CDH1: variants seen among roughly 807,000 people sequenced by gnomAD.
CDH1 encodes cadherin 1.
CDH1 carries 35 observed loss-of-function variants against 84.5 expected under a neutral mutation model. The observed-to-expected ratio is 0.41, with a 90% CI of 0.32 to 0.55. The LOEUF is 0.55. Among genes scored for constraint, CDH1 ranks in the 20% least tolerant of loss-of-function variants. The pLI, the probability that CDH1 is intolerant of heterozygous loss-of-function variation, is 0.19. For missense variants in CDH1, 994 were observed against 1,126.6 expected (o/e 0.88, Z 1.68); for synonymous variants, 417 against 439.0 (o/e 0.95, Z 0.63).
intron 3 of CDH1, among the ~76,000 whole-genome samples, 160 bp downstream of exon 3, chr16:68,802,053 T>A (rs1171984128): frequency 1.3e-5 from 2 of 152,212 alleles, no homozygotes; most frequent in Non-Finnish European, 2.9e-5. Flanking sequence ...TCCCTGGCCT[T>A]AACTGGTTAG....
chr16:68,803,329 A>G (rs1316218271), intron 3 of CDH1, among the ~76,000 whole-genome samples: 1 of 152,158 alleles, frequency 6.6e-6, no homozygotes, highest in Non-Finnish European at 1.5e-5. Flanking sequence ...CCCATCATTC[A>G]TGTGAAAAAA....
chr16:68,802,207 C>A (rs910188921), intron 3 of CDH1, among the ~76,000 whole-genome samples: 2 of 152,102 alleles, frequency 1.3e-5, no homozygotes, highest in African/African-American at 2.4e-5. Context: ...GTGTGGGGAT[C>A]GGGTAGTGTA....
chr16:68,778,140 C>A (rs909590387), intron 2 of CDH1, among the ~76,000 whole-genome samples: 1 of 152,156 alleles, frequency 6.6e-6, no homozygotes. Flanking sequence ...CTCCACCTCC[C>A]GGGTTCAAGC....
At chr16:68,813,555 G>A (rs894403964) in intron 9 of CDH1, 60 bp downstream of exon 9, 1 of 1,511,122 alleles carries the variant, frequency 6.6e-7, no homozygotes, top group Admixed American at 1.7e-5. Flanking sequence ...TCATACCCTT[G>A]TCCCCTGGTA....
chr16:68,785,481 T>A (rs1414128096), intron 2 of CDH1, among the ~76,000 whole-genome samples: 1 of 152,190 alleles, frequency 6.6e-6, no homozygotes, highest in Admixed American at 6.6e-5. Context: ...CGTGAGCCAC[T>A]ATGCCTGACC....
chr16:68,750,691 C>T (rs1401229807), intron 2 of CDH1, among the ~76,000 whole-genome samples: 1 of 150,906 alleles, frequency 6.6e-6, no homozygotes, highest in Non-Finnish European at 1.5e-5. Context: ...TACGCCTGTA[C>T]ACCTTCTTTC....
At chr16:68,796,180 G>GA (rs1178527921) in intron 2 of CDH1, among the ~76,000 whole-genome samples, 1 of 151,666 alleles carries the variant, frequency 6.6e-6, no homozygotes, top group Non-Finnish European at 1.5e-5. Flanking sequence ...AAAAAAAAAA[G>GA]AATTGCTAAA....
chr16:68,811,784 C>G lies in CDH1; in HGVS notation c.933C>G (p.Leu311=), dbSNP rs35539711. 2,740 of 1,614,148 alleles carry G rather than the reference C, an allele frequency of 1.7e-3. 40 individuals carry two copies. The African/African-American group carries it at 0.031, about 18-fold the overall frequency. ...CCATCCTCAGCCAAGATCCTGAGCTCCCTGACAAAAATATGTTCACCATTA... is the reference window on the plus strand; with the variant it reads ...CCATCCTCAGCCAAGATCCTGAGCTGCCTGACAAAAATATGTTCACCATTA... ...AYTILSQDPE[L]PDKNMFTINR... is the part of the protein sequence containing the mutation. The change falls in exon 7 of 16, where the codon CTC becomes CTG. Residue 311 remains leucine (L), a synonymous_variant. Coordinates refer to ENST00000261769, the MANE Select transcript of CDH1 (RefSeq NM_004360.5).
chr16:68,763,986 A>G (rs562924618), intron 2 of CDH1, among the ~76,000 whole-genome samples: 2 of 152,196 alleles, frequency 1.3e-5, no homozygotes, highest in African/African-American at 4.8e-5. Flanking sequence ...GGTTGGGGGG[A>G]TGGCGGACAC....
intron 2 of CDH1, among the ~76,000 whole-genome samples, chr16:68,796,537 A>G (rs530141816): frequency 1.1e-4 from 17 of 152,306 alleles, no homozygotes; most frequent in African/African-American, 4.1e-4. Flanking sequence ...AATTTCAAGC[A>G]AGGAATGTTG....
chr16:68,828,350 G>A lies in CDH1; in HGVS notation c.2295+46G>A, dbSNP rs771329524. The A allele has an allele frequency of 4.7e-5, 76 of 1,606,462 alleles. No homozygotes were observed. Among genetic ancestry groups the A allele is most frequent in the Non-Finnish European group, 5.9e-5 (69 of 1,173,710 alleles). On this transcript the variant is annotated intron_variant, in intron 14 of 15. Transcript: ENST00000261769. ...TAGCTCAGTGGTGATCTCTTTATTC[G>A]GAAGAAGCAATGATTAGTAAGAGGT...
At chr16:68,824,394 C>A (rs556509305) in intron 13 of CDH1, among the ~76,000 whole-genome samples, 1 of 152,138 alleles carries the variant, frequency 6.6e-6, no homozygotes, top group African/African-American at 2.4e-5. Context: ...CCCTCATCAG[C>A]GTGGTCTAAG....
chr16:68,758,741 C>G (rs1963084980), intron 2 of CDH1, among the ~76,000 whole-genome samples: 2 of 151,938 alleles, frequency 1.3e-5, no homozygotes, highest in African/African-American at 2.4e-5. Flanking sequence ...GTGATACCCC[C>G]TTATCACTTT....
chr16:68,820,122 C>A (rs942465905), intron 11 of CDH1, among the ~76,000 whole-genome samples: 1 of 151,912 alleles, frequency 6.6e-6, no homozygotes, highest in Admixed American at 6.6e-5. Context: ...TTGCTTGAGT[C>A]TGAAAGGTGG....
At chr16:68,774,532 A>C (rs1170081622) in intron 2 of CDH1, among the ~76,000 whole-genome samples, 8 of 152,062 alleles carry the variant, frequency 5.3e-5, no homozygotes. Context: ...ATAAATAAAT[A>C]AGTTTGATGA....
At chr16:68,813,547 A>G (rs192935498) in intron 9 of CDH1, 52 bp downstream of exon 9, 4 of 1,545,580 alleles carry the variant, frequency 2.6e-6, no homozygotes, top group Non-Finnish European at 3.6e-6. Flanking sequence ...ACAGCTGTTC[A>G]TACCCTTGTC....
At chr16:68,767,735 G>C (rs915235904) in intron 2 of CDH1, among the ~76,000 whole-genome samples, 1 of 152,154 alleles carries the variant, frequency 6.6e-6, no homozygotes, top group African/African-American at 2.4e-5. Flanking sequence ...ATGCATAATT[G>C]CATAATAGCT....
intron 2 of CDH1, among the ~76,000 whole-genome samples, chr16:68,757,435 G>A (rs2152118542): frequency 6.6e-6 from 1 of 152,260 alleles, no homozygotes. Context: ...TTTGGGCTTT[G>A]TAATTTGGTT....
intron 2 of CDH1, among the ~76,000 whole-genome samples, chr16:68,768,925 A>T (rs1959464396): frequency 6.6e-6 from 1 of 152,136 alleles, no homozygotes; most frequent in Non-Finnish European, 1.5e-5. Context: ...CCCTTCCCCC[A>T]GGCATCCTCA....
Sources: allele counts gnomAD v4.1 joint callset (sites outside exome capture counted in the v4.1 genomes callset), GRCh38; gene constraint gnomAD v4.1.1; transcripts MANE v1.5; gene names NCBI Gene and HGNC (gene_info 2026-07-23, HGNC 2026-07-21).